The following TNKS variants were observed in gnomAD, a reference collection of about 807,000 sequenced individuals.
TNKS encodes tankyrase, also known as poly [ADP-ribose] polymerase tankyrase-1.
TNKS carries 72 observed loss-of-function variants against 135.8 expected under a neutral mutation model. The observed-to-expected ratio is 0.53, with a 90% confidence interval of 0.44 to 0.64. TNKS has a LOEUF of 0.64. Among genes scored for constraint, TNKS ranks in the 30% least tolerant of loss-of-function variants. The pLI, the probability that TNKS is intolerant of heterozygous loss-of-function variation, is 0.00. For synonymous variants in TNKS, 849 were observed against 649.3 expected (o/e 1.31, Z -4.68); for missense variants, 1,769 against 1,674.0 (o/e 1.06, Z -0.99).
rs924481439 is a variant in TNKS at position 9,592,667 on chromosome 8, A to G, written c.898+12284A>G. 2.0e-5 allele frequency among the ~76,000 whole-genome samples: 3 copies of G among 152,200 alleles called. No homozygotes were observed. The South Asian group carries it at 6.2e-4, about 32-fold the overall frequency. ...ACTTTCATACGTATTCTTATTGTCT[A>G]TCACTGATGTCTAATTATATTCAAG... is the stretch of plus-strand genomic sequence containing the variant. On this transcript the variant is annotated intron_variant, in intron 2 of 26. Coordinates refer to ENST00000310430, the MANE Select transcript of TNKS (RefSeq NM_003747.3).
At chr8:9,741,268 T>C (rs1216568790) in intron 17 of TNKS, among the ~76,000 whole-genome samples, 1 of 152,200 alleles carries the variant, frequency 6.6e-6, no homozygotes, top group East Asian at 1.9e-4. Flanking sequence ...ATGGGATCGG[T>C]AGAACTGAAA....
rs576782093 is a variant in TNKS at position 9,779,121 on chromosome 8, G to C, written c.*2385G>C. The C allele has an allele frequency of 6.6e-6, 1 of 152,466 alleles. No homozygotes were observed. Among genetic ancestry groups the C allele is most frequent in the Admixed American group, 6.6e-5 (1 of 15,256 alleles). 9.4% of individuals were successfully genotyped at this position (152,466 alleles called of 1,614,324 possible). Reference sequence around the variant, plus strand: ...TATATAGTAGTTCTTGAAAGAGTGTGCATATATTACTCATCTGCTTAAGAG... The same window carrying C: ...TATATAGTAGTTCTTGAAAGAGTGTCCATATATTACTCATCTGCTTAAGAG... On this transcript the variant is annotated 3_prime_UTR_variant, in exon 27 of 27. Coordinates refer to ENST00000310430, the MANE Select transcript of TNKS (RefSeq NM_003747.3).
intron 1 of TNKS, among the ~76,000 whole-genome samples, chr8:9,578,038 A>G (rs1161984372): frequency 1.3e-5 from 2 of 152,170 alleles, no homozygotes; most frequent in African/African-American, 4.8e-5. Context: ...TAAAGTTCCA[A>G]AATAATCTCC....
intron 12 of TNKS, 68 bp from the exon 13 acceptor site, chr8:9,726,573 C>T: frequency 8.3e-7 from 1 of 1,208,534 alleles, no homozygotes; most frequent in Middle Eastern, 2.0e-4. Flanking sequence ...TTTTTGTTTC[C>T]AAAATCAATG....
chr8:9,618,568 T>G (rs1799739754), intron 3 of TNKS, among the ~76,000 whole-genome samples: 1 of 152,240 alleles, frequency 6.6e-6, no homozygotes, highest in Admixed American at 6.5e-5. Flanking sequence ...TTTAGATTTT[T>G]CGTTTGTTCA....
intron 19 of TNKS, 42 bp from the exon 20 acceptor site, chr8:9,752,502 A>G (rs760626916): frequency 2.0e-6 from 3 of 1,475,074 alleles, no homozygotes; most frequent in African/African-American, 1.4e-5. Context: ...CTTTATATTT[A>G]GAGAATTCTT....
chr8:9,658,491 A>G (rs1057296817), intron 3 of TNKS: 2 of 598,794 alleles, frequency 3.3e-6, no homozygotes, highest in Admixed American at 4.0e-5. Context: ...ACTAAGCTTC[A>G]TAAGTGAAGG....
Position 9,556,616 on chromosome 8 carries a change from A to C in TNKS, c.673+4A>C. On this transcript the variant is annotated splice_donor_region_variant and intron_variant, in intron 1 of 26. Coordinates refer to ENST00000310430, the MANE Select transcript of TNKS (RefSeq NM_003747.3). ...TCTCCCCTGCACTTCGCTGCAGGTC[A>C]GAGACTTTTGAATTGTTTATTAAGG... 1.2e-6 allele frequency: 2 copies of C among 1,613,102 alleles called. No individual in the cohort carries two copies. Among genetic ancestry groups the C allele is most frequent in the Non-Finnish European group, 1.7e-6 (2 of 1,180,016 alleles).
intron 15 of TNKS, among the ~76,000 whole-genome samples, chr8:9,734,555 T>C (rs1408880503): frequency 6.6e-6 from 1 of 152,120 alleles, no homozygotes; most frequent in African/African-American, 2.4e-5. Context: ...TTCTTCAAAG[T>C]AAAATAGGTT....
At chr8:9,677,120 G>A (rs186965458) in intron 3 of TNKS, among the ~76,000 whole-genome samples, 10 of 152,282 alleles carry the variant, frequency 6.6e-5, no homozygotes, top group East Asian at 1.9e-4. Flanking sequence ...GGGAGCTAGC[G>A]TTTGAAAAAT....
intron 2 of TNKS, among the ~76,000 whole-genome samples, chr8:9,612,705 G>C (rs1288576733): frequency 6.6e-6 from 1 of 152,064 alleles, no homozygotes; most frequent in Non-Finnish European, 1.5e-5. Flanking sequence ...TGGTAGAGTC[G>C]AGGGAGGGAT....
In TNKS at chr8:9,632,102, T is replaced by C. The variant is rs904528078; in HGVS notation, c.994+16425T>C. Among the ~76,000 whole-genome samples the C allele has an allele frequency of 2.2e-4, 33 of 152,354 alleles. 1 individual carries two copies. The highest frequency in any genetic ancestry group is 1.2e-3 in the Admixed American group (18 of 15,304). On this transcript the variant is annotated intron_variant, in intron 3 of 26. Transcript: ENST00000310430. Reference sequence around the variant, plus strand: ...AACTTATAATTAGACCTTTGATAAGTAGAAAGATGCCAGACTTCATGTATT... The same window carrying C: ...AACTTATAATTAGACCTTTGATAAGCAGAAAGATGCCAGACTTCATGTATT...
Position 9,680,032 on chromosome 8 carries a change from AGAGAAGGAG to A in TNKS, c.1031+49_1031+57del, listed in dbSNP as rs35385786. ...TTAAGTGTATATAATGCATTAAGGAAGAGAAGGAGGAGGGCAGGTGGAGGACTATAAAAA... is the reference window on the plus strand; with the variant it reads ...TTAAGTGTATATAATGCATTAAGGAAGAGGGCAGGTGGAGGACTATAAAAA... On this transcript the variant is annotated intron_variant, in intron 4 of 26. Coordinates refer to ENST00000310430, the MANE Select transcript of TNKS (RefSeq NM_003747.3). The A allele has an allele frequency of 3.1e-4, 456 of 1,464,304 alleles. 1 individual carries two copies. The African/African-American group carries it at 5.6e-3, about 18-fold the overall frequency. 90.7% of individuals were successfully genotyped at this position (1,464,304 alleles called of 1,614,324 possible).
chr8:9,763,336 C>T (rs773396708), intron 22 of TNKS, 92 bp downstream of exon 22: 38 of 743,288 alleles, frequency 5.1e-5, no homozygotes, highest in African/African-American at 7.1e-5. Context: ...CATTGCCTTG[C>T]GGTCACATGC....
chr8:9,703,476 A>C (rs971760706), intron 5 of TNKS, among the ~76,000 whole-genome samples: 2 of 152,182 alleles, frequency 1.3e-5, no homozygotes, highest in African/African-American at 4.8e-5. Context: ...CATGACTTCC[A>C]CTGGGTTGCA....
At chr8:9,612,267 G>C (rs1389805622) in intron 2 of TNKS, among the ~76,000 whole-genome samples, 1 of 152,098 alleles carries the variant, frequency 6.6e-6, no homozygotes, top group Non-Finnish European at 1.5e-5. Context: ...AGAAGTACTG[G>C]AGAAGGTAAT....
Position 9,642,844 on chromosome 8 carries a change from G to C in TNKS, c.994+27167G>C, listed in dbSNP as rs934093989. ...GTAGAAAATTATTTTACCTCTGTTG[G>C]AGAACTAATATCATAATAACAGCTT... On this transcript the variant is annotated intron_variant, in intron 3 of 26. Coordinates refer to ENST00000310430, the MANE Select transcript of TNKS (RefSeq NM_003747.3). Among the ~76,000 whole-genome samples the C allele has an allele frequency of 7.5e-5, 11 of 145,800 alleles. 2 individuals are homozygous for C. Among genetic ancestry groups the C allele is most frequent in the Non-Finnish European group, 1.2e-4 (8 of 66,580 alleles).
chr8:9,725,770 A>G (rs539198172), intron 12 of TNKS, among the ~76,000 whole-genome samples: 2 of 152,234 alleles, frequency 1.3e-5, no homozygotes, highest in Non-Finnish European at 1.5e-5. Flanking sequence ...GTACATAAAC[A>G]TACTTTTGGT....
At chr8:9,566,846 G>C (rs1563384601) in intron 1 of TNKS, among the ~76,000 whole-genome samples, 1 of 151,110 alleles carries the variant, frequency 6.6e-6, no homozygotes, top group Non-Finnish European at 1.5e-5. Context: ...CTGCCCTCAT[G>C]ATCCACCCGC....
Sources: allele counts gnomAD v4.1 joint callset (sites outside exome capture counted in the v4.1 genomes callset), GRCh38; gene constraint gnomAD v4.1.1; transcripts MANE v1.5; gene names NCBI Gene and HGNC (gene_info 2026-07-23, HGNC 2026-07-21).